Variants in LIN52 observed in about 807,000 individuals in gnomAD.
LIN52 encodes the protein lin-52 DREAM MuvB core complex component, also known as protein lin-52 homolog.
In LIN52, 4 loss-of-function variants were observed where a neutral mutation model predicts 18.5. The ratio of observed to expected loss-of-function variants is 0.22; its 90% CI spans 0.11 to 0.49. LIN52 has a LOEUF of 0.49. Among genes scored for constraint, LIN52 ranks in the 20% least tolerant of loss-of-function variants. The pLI is 0.97. For missense variants in LIN52, 102 were observed against 139.5 expected, an observed-to-expected ratio of 0.73 and a Z score of 1.35; for synonymous variants, 34 against 45.5, an observed-to-expected ratio of 0.75 and a Z score of 1.02.
At chr14:74,165,513 C>CTTTTCTTTTTTTTTTTTT (rs1555384151) in intron 5 of LIN52, among the ~76,000 whole-genome samples, 17 of 110,256 alleles carry the variant, frequency 1.5e-4, no homozygotes, top group African/African-American at 5.3e-4. Context: ...GTTTTCTTTT[C>CTTTTCTTTTTTTTTTTTT]TTTTTTTTTT....
chr14:74,096,586 G>A (rs72725948), intron 3 of LIN52, among the ~76,000 whole-genome samples: 16,941 of 151,804 alleles, frequency 0.11, 1,244 homozygotes, highest in Admixed American at 0.19. Flanking sequence ...TGTTTTGCTT[G>A]TCACATAATA....
At chr14:74,179,708 G>A (rs2061309744) in intron 5 of LIN52, among the ~76,000 whole-genome samples, 1 of 150,892 alleles carries the variant, frequency 6.6e-6, no homozygotes, top group South Asian at 2.1e-4. Context: ...TCGGCTAAAT[G>A]TTCTCATTTT....
chr14:74,137,501 T>C (rs2061104910), intron 5 of LIN52, among the ~76,000 whole-genome samples: 1 of 141,930 alleles, frequency 7.0e-6, no homozygotes, highest in Non-Finnish European at 1.5e-5. Context: ...CAGCTCTCTT[T>C]TTTTTTTTTT....
chr14:74,195,923 C>T (rs1398221697), intron 5 of LIN52, among the ~76,000 whole-genome samples: 4 of 152,174 alleles, frequency 2.6e-5, no homozygotes, highest in Non-Finnish European at 4.4e-5. Context: ...CAGGAGGGCA[C>T]GTGCTCTGGA....
chr14:74,179,437 A>C (rs1006556231), intron 5 of LIN52, among the ~76,000 whole-genome samples: 2 of 152,162 alleles, frequency 1.3e-5, no homozygotes, highest in Admixed American at 1.3e-4. Context: ...AGGCAGGCGG[A>C]TCATTTGAGG....
intron 5 of LIN52, among the ~76,000 whole-genome samples, chr14:74,168,085 C>T (rs1204324483): frequency 2.0e-5 from 3 of 152,184 alleles, no homozygotes; most frequent in African/African-American, 4.8e-5. Context: ...AATGCTCAGG[C>T]AGAGCTCTGC....
chr14:74,192,284 G>GTTTTTGT (rs911435662), intron 5 of LIN52, among the ~76,000 whole-genome samples: 7 of 151,776 alleles, frequency 4.6e-5, no homozygotes, highest in Admixed American at 1.3e-4. Context: ...TTTTGTTTTT[G>GTTTTTGT]TTTTTGTTTT....
chr14:74,099,024 ATTG>A (rs1173209072), intron 4 of LIN52, among the ~76,000 whole-genome samples: 1 of 152,168 alleles, frequency 6.6e-6, no homozygotes, highest in African/African-American at 2.4e-5. Context: ...AGTAGTGAAT[ATTG>A]TTGTTTGATA....
At chr14:74,130,984 ATC>A (rs2061063157) in intron 5 of LIN52, among the ~76,000 whole-genome samples, 1 of 150,960 alleles carries the variant, frequency 6.6e-6, no homozygotes, top group Admixed American at 6.6e-5. Flanking sequence ...TTGAGATAGG[ATC>A]TCTGTTGCCT....
At chr14:74,097,755 C>A in intron 3 of LIN52, 39 bp from the exon 4 acceptor site, 1 of 1,468,094 alleles carries the variant, frequency 6.8e-7, no homozygotes, top group Non-Finnish European at 9.5e-7. Context: ...TCTCCTCACA[C>A]TTTTTATGTG....
chr14:74,141,597 C>T (rs984518330), intron 5 of LIN52, among the ~76,000 whole-genome samples: 1 of 152,110 alleles, frequency 6.6e-6, no homozygotes, highest in Non-Finnish European at 1.5e-5. Context: ...CATTTTAGTC[C>T]AGTATTGTTT....
At chr14:74,185,198 A>G (rs2061335845) in intron 5 of LIN52, among the ~76,000 whole-genome samples, 1 of 151,860 alleles carries the variant, frequency 6.6e-6, no homozygotes, top group Admixed American at 6.6e-5. Flanking sequence ...ATATGGTTTT[A>G]GTGAAAAGAC....
chr14:74,101,265 G>T (rs1178998845), intron 5 of LIN52, 27 bp downstream of exon 5: 1 of 1,553,104 alleles, frequency 6.4e-7, no homozygotes, highest in South Asian at 1.2e-5. Flanking sequence ...CATTTGTTCA[G>T]GGGTGTATTC....
At chr14:74,162,191 A>C (rs549092762) in intron 5 of LIN52, among the ~76,000 whole-genome samples, 2 of 152,198 alleles carry the variant, frequency 1.3e-5, no homozygotes, top group African/African-American at 2.4e-5. Flanking sequence ...ATAACAAAGC[A>C]TAAGTGTGAA....
At chr14:74,169,181 G>T (rs1308555764) in intron 5 of LIN52, among the ~76,000 whole-genome samples, 3 of 152,156 alleles carry the variant, frequency 2.0e-5, no homozygotes, top group Non-Finnish European at 4.4e-5. Context: ...CTTAGTGACT[G>T]TTTCTAAAAT....
intron 5 of LIN52, among the ~76,000 whole-genome samples, chr14:74,103,924 G>A (rs2060880030): frequency 6.9e-6 from 1 of 145,414 alleles, no homozygotes; most frequent in Non-Finnish European, 1.5e-5. Context: ...ACGGAGTCTC[G>A]CTCTGTCGCC....
intron 5 of LIN52, among the ~76,000 whole-genome samples, chr14:74,140,129 C>T (rs1324712507): frequency 6.6e-6 from 1 of 152,144 alleles, no homozygotes; most frequent in Non-Finnish European, 1.5e-5. Context: ...TTAAAAATAA[C>T]TTAGCCCAAA....
At chr14:74,193,800 A>G (rs2078895020) in intron 5 of LIN52, among the ~76,000 whole-genome samples, 1 of 151,992 alleles carries the variant, frequency 6.6e-6, no homozygotes, top group Non-Finnish European at 1.5e-5. Flanking sequence ...TTTTCACAAT[A>G]TTACATTGTC....
chr14:74,112,376 C>T (rs77866645), intron 5 of LIN52, among the ~76,000 whole-genome samples: 2,610 of 151,832 alleles, frequency 0.017, 84 homozygotes, highest in African/African-American at 0.061. Context: ...AGCACAATCT[C>T]GGCTCACTGC....
Sources: allele counts gnomAD v4.1 joint callset (sites outside exome capture counted in the v4.1 genomes callset), GRCh38; gene constraint gnomAD v4.1.1; transcripts MANE v1.5; gene names NCBI Gene and HGNC (gene_info 2026-07-23, HGNC 2026-07-21).